The following SEL1L2 variants were observed in gnomAD, a reference collection of about 807,000 sequenced individuals.
The protein encoded by SEL1L2 is protein sel-1 homolog 2.
SEL1L2 carries 89 observed loss-of-function variants against 98.8 expected under a neutral mutation model. The ratio of observed to expected loss-of-function variants is 0.90; its 90% CI spans 0.76 to 1.07. SEL1L2 has a LOEUF of 1.07. Ranked by LOEUF, SEL1L2 falls within the 50% of genes least tolerant of loss-of-function variation. The pLI is 0.00. For missense variants in SEL1L2, 788 were observed against 812.0 expected (o/e 0.97, Z 0.36); for synonymous variants, 262 against 278.5 (o/e 0.94, Z 0.59).
chr20:13,898,058 T>G (rs1185235943), intron 5 of SEL1L2, among the ~76,000 whole-genome samples: 1 of 152,180 alleles, frequency 6.6e-6, no homozygotes, highest in Non-Finnish European at 1.5e-5. Flanking sequence ...GCAGCTGCTA[T>G]GGAAAACAGT....
intron 5 of SEL1L2, among the ~76,000 whole-genome samples, chr20:13,892,655 A>G (rs181143458): frequency 1.3e-5 from 2 of 152,342 alleles, no homozygotes; most frequent in Admixed American, 6.5e-5. Context: ...AAAAAATAAC[A>G]AAACAGCAAT....
At chr20:13,862,255 T>C (rs955830737) in intron 17 of SEL1L2, among the ~76,000 whole-genome samples, 2 of 152,148 alleles carry the variant, frequency 1.3e-5, no homozygotes, top group African/African-American at 2.4e-5. Context: ...AAAACTCATG[T>C]GACTTTTTAA....
intron 1 of SEL1L2, among the ~76,000 whole-genome samples, chr20:13,987,146 A>G (rs1290868125): frequency 6.6e-6 from 1 of 151,266 alleles, no homozygotes; most frequent in African/African-American, 2.4e-5. Context: ...ATTACTTTTA[A>G]TGCCAACACC....
chr20:13,902,513 A>T (rs1325251363), intron 5 of SEL1L2, among the ~76,000 whole-genome samples: 4 of 152,154 alleles, frequency 2.6e-5, no homozygotes, highest in African/African-American at 9.6e-5. Context: ...ATCATTATTC[A>T]TTTTGGTGCT....
chr20:13,983,320 G>T (rs2051959872), intron 1 of SEL1L2, among the ~76,000 whole-genome samples: 1 of 151,906 alleles, frequency 6.6e-6, no homozygotes, highest in Non-Finnish European at 1.5e-5. Context: ...AAAATACAAT[G>T]AGTATCAAGT....
intron 1 of SEL1L2, among the ~76,000 whole-genome samples, chr20:13,980,418 G>C (rs1174330839): frequency 2.0e-5 from 3 of 152,162 alleles, no homozygotes; most frequent in Non-Finnish European, 4.4e-5. Flanking sequence ...ATGTTGGCCA[G>C]GCTGGTCTCA....
intron 5 of SEL1L2, among the ~76,000 whole-genome samples, chr20:13,901,490 C>A (rs2047678960): frequency 6.6e-6 from 1 of 152,118 alleles, no homozygotes. Flanking sequence ...TATGTTATTT[C>A]AATTTCTATT....
intron 13 of SEL1L2, 104 bp from the exon 14 acceptor site, chr20:13,869,694 T>G: frequency 4.1e-6 from 3 of 740,520 alleles, no homozygotes; most frequent in Non-Finnish European, 7.0e-6. Flanking sequence ...CCTATGTGAT[T>G]TAGGGTAATT....
intron 1 of SEL1L2, among the ~76,000 whole-genome samples, chr20:13,977,025 T>C (rs1171414558): frequency 6.6e-6 from 1 of 152,124 alleles, no homozygotes; most frequent in African/African-American, 2.4e-5. Flanking sequence ...TTTGGAGTAC[T>C]TGAGAACAAG....
At chr20:13,988,949 G>A (rs564124155) in intron 1 of SEL1L2, among the ~76,000 whole-genome samples, 1 of 152,272 alleles carries the variant, frequency 6.6e-6, no homozygotes, top group East Asian at 1.9e-4. Context: ...GGCAGCGGAG[G>A]TTGCAGTGAG....
chr20:13,972,620 GTC>G (rs1334409692), intron 1 of SEL1L2, among the ~76,000 whole-genome samples: 1 of 146,388 alleles, frequency 6.8e-6, no homozygotes, highest in African/African-American at 2.4e-5. Flanking sequence ...GTATGAAAAT[GTC>G]TCATGTTTGA....
chr20:13,895,571 A>C (rs117979408), intron 5 of SEL1L2, among the ~76,000 whole-genome samples: 1 of 152,320 alleles, frequency 6.6e-6, no homozygotes, highest in East Asian at 1.9e-4. Context: ...AAAAACACTC[A>C]ACAAACAAGG....
intron 14 of SEL1L2, among the ~76,000 whole-genome samples, chr20:13,868,113 T>C (rs1192301169): frequency 6.6e-6 from 1 of 152,026 alleles, no homozygotes; most frequent in East Asian, 1.9e-4. Flanking sequence ...CCAACCACTC[T>C]ACCTTTGCTC....
Position 13,849,596 on chromosome 20 carries a change from C to A in SEL1L2, c.1956G>T (p.Thr652=). 6.2e-7 allele frequency: 1 copy of A among 1,613,808 alleles called. No homozygotes were observed. Among genetic ancestry groups the A allele is most frequent in the Non-Finnish European group, 8.5e-7 (1 of 1,179,858 alleles). Residue 652 remains threonine, a synonymous_variant, in exon 20 of 20, where the codon ACG becomes ACT. Transcript: ENST00000284951. The part of the protein sequence containing the change: ...LRDILFFNFT[T]RWNWLKLDNT... The stretch of plus-strand genomic sequence containing the variant: ...TGTCCAGTTTCAGCCAGTTCCATCT[C>A]GTTGTGAACTGCTGGCAAGAGACAT...
At chr20:13,983,440 GA>G (rs1260764256) in intron 1 of SEL1L2, among the ~76,000 whole-genome samples, 1 of 151,690 alleles carries the variant, frequency 6.6e-6, no homozygotes, top group African/African-American at 2.4e-5. Context: ...CAGAGAGAGG[GA>G]AAAAAAGTGA....
intron 10 of SEL1L2, among the ~76,000 whole-genome samples, chr20:13,884,549 C>A (rs1012407492): frequency 6.6e-6 from 1 of 151,892 alleles, no homozygotes; most frequent in Non-Finnish European, 1.5e-5. Flanking sequence ...GCTCTGTCAC[C>A]CAGACTGTAG....
rs867100480 is a variant in SEL1L2, at chr20:13,890,394, G to A, written c.550-1882C>T. On this transcript the variant is annotated intron_variant, in intron 5 of 19. Transcript: ENST00000284951. ...AGAAAGAGATTATAAACTCCTGGAA[G>A]AAAAAAAAAAACTGGCAAACCACTC... Among the ~76,000 whole-genome samples, 611 of 144,740 alleles carry A rather than the reference G, an allele frequency of 4.2e-3. 1 individual carries two copies. The highest frequency in any genetic ancestry group is 0.011 in the East Asian group (55 of 4,996). 95.0% of individuals were successfully genotyped at this position (144,740 alleles called of 152,430 possible). A position where few individuals can be genotyped will look rare whatever the true frequency, so the allele number is the denominator to read the frequency against.
At chr20:13,860,457 C>T (rs1274089164) in intron 17 of SEL1L2, among the ~76,000 whole-genome samples, 6 of 152,168 alleles carry the variant, frequency 3.9e-5, no homozygotes, top group South Asian at 2.1e-4. Context: ...TCTTACCCGA[C>T]GTCTGAGCAG....
intron 5 of SEL1L2, among the ~76,000 whole-genome samples, chr20:13,912,453 C>G (rs950343441): frequency 6.6e-6 from 1 of 151,988 alleles, no homozygotes; most frequent in African/African-American, 2.4e-5. Flanking sequence ...TGTGCCATGA[C>G]GCCCAGCTAA....
Sources: gnomAD v4.1 joint callset for allele counts (sites outside exome capture counted in the v4.1 genomes callset) on GRCh38, gnomAD v4.1.1 for gene constraint, MANE v1.5 for transcripts, NCBI Gene and HGNC (gene_info 2026-07-23, HGNC 2026-07-21) for gene names.